The following PREPL variants were observed in gnomAD, a reference collection of about 807,000 sequenced individuals.
PREPL encodes prolyl endopeptidase like.
Under a neutral mutation model 70.6 loss-of-function variants are expected in PREPL, and 77 were observed. The observed-to-expected ratio is 1.09, with a 90% CI of 0.91 to 1.32. The LOEUF (loss-of-function observed/expected upper bound fraction) is 1.32, where lower values mean the gene tolerates loss of function less well. Among genes scored for constraint, PREPL ranks in the 40% most tolerant of loss-of-function variants. The pLI, the probability that PREPL is intolerant of heterozygous loss-of-function variation, is 0.00. For missense variants in PREPL, 1,002 were observed against 778.2 expected (o/e 1.29, Z -3.42); for synonymous variants, 315 against 264.8 (o/e 1.19, Z -1.84).
At chr2:44,352,163 T>G (rs1476767481) in intron 1 of PREPL, among the ~76,000 whole-genome samples, 2 of 152,334 alleles carry the variant, frequency 1.3e-5, no homozygotes, top group East Asian at 3.9e-4. Flanking sequence ...CACCCCTCCC[T>G]ATCCCCACAC....
Position 44,317,866 on chromosome 2 carries a change from G to A in PREPL, c.*3490C>T, listed in dbSNP as rs561222509. ...TTACAAATATGAATGGGTTAAATTA[G>A]CCTATTAAAAGATAAAACCACTCAG... On this transcript the variant is annotated 3_prime_UTR_variant, in exon 14 of 14. Coordinates refer to ENST00000409411, the MANE Select transcript of PREPL (RefSeq NM_001171613.2). 3.9e-5 allele frequency: 8 copies of A among 202,950 alleles called. No homozygotes were observed. Among genetic ancestry groups the A allele is most frequent in the South Asian group, 1.2e-4 (2 of 16,730 alleles). The allele number at this position is 202,950 out of a possible 1,614,324, so 12.6% of individuals were successfully genotyped here. A position where few individuals can be genotyped will look rare whatever the true frequency, so the allele number is the denominator to read the frequency against.
chr2:44,317,958 C>A lies in PREPL; in HGVS notation c.*3398G>T. On this transcript the variant is annotated 3_prime_UTR_variant, in exon 14 of 14. Coordinates refer to ENST00000409411, the MANE Select transcript of PREPL (RefSeq NM_001171613.2). ...AGAATTAAAATGAAGATATAGCAAG[C>A]AAATAATAGAAAGCTTGCAACCCAG... The A allele has an allele frequency of 7.7e-6, 2 of 261,412 alleles. No homozygotes were observed. Among genetic ancestry groups the A allele is most frequent in the Non-Finnish European group, 1.5e-5 (2 of 129,298 alleles). The allele number at this position is 261,412 out of a possible 1,614,324, so 16.2% of individuals were successfully genotyped here.
intron 5 of PREPL, among the ~76,000 whole-genome samples, chr2:44,341,643 A>G (rs1675232237): frequency 1.3e-5 from 2 of 152,052 alleles, no homozygotes; most frequent in Admixed American, 1.3e-4. Flanking sequence ...AGAACTAGAC[A>G]TTAATCTTTT....
At chr2:44,347,217 C>T (rs1170675819) in intron 1 of PREPL, 7 of 152,058 alleles carry the variant, frequency 4.6e-5, no homozygotes, top group Non-Finnish European at 8.8e-5. Context: ...CACCTGTAGT[C>T]CCAGCTACTT....
chr2:44,332,740 G>C, intron 7 of PREPL, 84 bp from the exon 8 acceptor site: 3 of 1,073,740 alleles, frequency 2.8e-6, no homozygotes, highest in Non-Finnish European at 4.0e-6. Context: ...CTCCAAACAA[G>C]ATGATGTGGA....
rs148449612 is a variant in PREPL at position 44,320,581 on chromosome 2, T to C, written c.*775A>G. 1.1e-5 allele frequency: 17 copies of C among 1,613,934 alleles called. No homozygotes were observed. The highest frequency in any genetic ancestry group is 1.4e-5 in the Non-Finnish European group (16 of 1,179,934). ...CAAACAGCTTTCAGAGATAGATGCT[T>C]TGTTTCCAATCGAGCATGCTATTCC... On this transcript the variant is annotated 3_prime_UTR_variant, in exon 14 of 14. Transcript: ENST00000409411.
chr2:44,330,383 A>G (rs1182077207), intron 8 of PREPL, among the ~76,000 whole-genome samples: 1 of 152,174 alleles, frequency 6.6e-6, no homozygotes, highest in African/African-American at 2.4e-5. Flanking sequence ...ATGGTGCTTA[A>G]CTGTTCTTTC....
chr2:44,344,628 T>A, intron 2 of PREPL, 42 bp from the exon 3 acceptor site: 1 of 1,439,040 alleles, frequency 6.9e-7, no homozygotes, highest in Non-Finnish European at 9.5e-7. Flanking sequence ...ATAATTTAAT[T>A]AACCTTTTCA....
At chr2:44,357,721 A>G (rs1352323933) in intron 1 of PREPL, among the ~76,000 whole-genome samples, 1 of 152,228 alleles carries the variant, frequency 6.6e-6, no homozygotes, top group Non-Finnish European at 1.5e-5. Flanking sequence ...TACTATTTAT[A>G]AACTAAGTGT....
At chr2:44,344,907 C>G (rs1252314157) in intron 2 of PREPL, among the ~76,000 whole-genome samples, 6 of 152,174 alleles carry the variant, frequency 3.9e-5, no homozygotes. Flanking sequence ...GATACCTGTA[C>G]AGTGGGAGTC....
intron 4 of PREPL, among the ~76,000 whole-genome samples, chr2:44,342,757 A>G (rs564079420): frequency 1.3e-5 from 2 of 152,294 alleles, no homozygotes; most frequent in South Asian, 4.1e-4. Flanking sequence ...ACACCATTCC[A>G]AGGTTTCAAG....
At chr2:44,324,092 T>A (rs915279332) in intron 10 of PREPL, among the ~76,000 whole-genome samples, 8 of 152,238 alleles carry the variant, frequency 5.3e-5, no homozygotes, top group African/African-American at 1.9e-4. Flanking sequence ...GGAATATTAT[T>A]CAGCCTTAAA....
chr2:44,321,501 T>G (rs1382468317), intron 13 of PREPL, 56 bp from the exon 14 acceptor site: 66 of 1,578,590 alleles, frequency 4.2e-5, no homozygotes, highest in South Asian at 3.9e-4. Flanking sequence ...AAAATGCCAC[T>G]GTTTAAGCTT....
intron 5 of PREPL, 21 bp from the exon 6 acceptor site, chr2:44,339,384 A>G (rs1674977557): frequency 6.2e-7 from 1 of 1,608,800 alleles, no homozygotes; most frequent in Admixed American, 1.7e-5. Flanking sequence ...AGAGAGAGAC[A>G]TGAGATCACA....
intron 7 of PREPL, among the ~76,000 whole-genome samples, chr2:44,334,323 A>G (rs191807377): frequency 6.6e-6 from 1 of 152,188 alleles, no homozygotes; most frequent in Non-Finnish European, 1.5e-5. Context: ...CATCAAAAGA[A>G]TAAGACATAC....
intron 7 of PREPL, among the ~76,000 whole-genome samples, 172 bp from the exon 8 acceptor site, chr2:44,332,828 AAAAC>A (rs1674257153): frequency 6.6e-6 from 1 of 152,254 alleles, no homozygotes; most frequent in Non-Finnish European, 1.5e-5. Context: ...TTTCAAATAA[AAAAC>A]AAAACTGTAC....
intron 2 of PREPL, 117 bp from the exon 3 acceptor site, chr2:44,344,703 T>G: frequency 3.0e-6 from 2 of 661,834 alleles, no homozygotes; most frequent in South Asian, 5.5e-5. Context: ...TGTTGAAGTA[T>G]ATGAATGAAC....
intron 1 of PREPL, among the ~76,000 whole-genome samples, chr2:44,353,086 A>T (rs115760128): frequency 0.01 from 1,540 of 152,142 alleles, 11 homozygotes; most frequent in African/African-American, 0.021. Flanking sequence ...GTCTCTATTT[A>T]AAAAAGTTTT....
intron 1 of PREPL, among the ~76,000 whole-genome samples, chr2:44,352,043 C>T (rs899790768): frequency 6.6e-6 from 1 of 152,172 alleles, no homozygotes; most frequent in African/African-American, 2.4e-5. Context: ...CAAGCTTGCT[C>T]CCATATCAGT....
Sources: gnomAD v4.1 joint callset for allele counts (sites outside exome capture counted in the v4.1 genomes callset) on GRCh38, gnomAD v4.1.1 for gene constraint, MANE v1.5 for transcripts, NCBI Gene and HGNC (gene_info 2026-07-23, HGNC 2026-07-21) for gene names.